The following UBE2G1 variants were observed in gnomAD, a reference collection of about 807,000 sequenced individuals.
UBE2G1 encodes the protein ubiquitin-conjugating enzyme E2 G1.
UBE2G1 carries 5 observed loss-of-function variants against 22.7 expected under a neutral mutation model. The ratio of observed to expected loss-of-function variants is 0.22; its 90% CI spans 0.12 to 0.46. The LOEUF is 0.46. UBE2G1 is among the 20% of genes least tolerant of loss of function. UBE2G1 has a pLI of 0.99. For missense variants in UBE2G1, 88 were observed against 203.9 expected, an observed-to-expected ratio of 0.43 and a Z score of 3.46; for synonymous variants, 74 against 67.5, an observed-to-expected ratio of 1.10 and a Z score of -0.47.
intron 1 of UBE2G1, among the ~76,000 whole-genome samples, chr17:4,341,050 CAAAAAAAAAA>C (rs71383550): frequency 1.2e-5 from 1 of 85,962 alleles, no homozygotes; most frequent in East Asian, 4.3e-4. Context: ...AGTGTCTTTA[CAAAAAAAAAA>C]AAAAAAAAAG....
chr17:4,288,407 T>C (rs967282327), intron 4 of UBE2G1, among the ~76,000 whole-genome samples: 2 of 152,134 alleles, frequency 1.3e-5, no homozygotes, highest in African/African-American at 4.8e-5. Context: ...TTCGTATTTT[T>C]AATGGAGACG....
Position 4,358,456 on chromosome 17 carries a change from CT to C in UBE2G1, c.46+7814del, listed in dbSNP as rs766693439. The stretch of plus-strand genomic sequence containing the variant: ...AATTTTGCCCATTTTTTTGAATTGA[CT>C]TTTTTTTTTTAAACTGTTGAGGGTT... On this transcript the variant is annotated intron_variant, in intron 1 of 5. Coordinates refer to ENST00000396981, the MANE Select transcript of UBE2G1 (RefSeq NM_003342.5). Among the ~76,000 whole-genome samples the C allele has an allele frequency of 6.5e-3, 964 of 147,282 alleles. 10 individuals carry two copies. Among genetic ancestry groups the C allele is most frequent in the East Asian group, 0.027 (137 of 5,082 alleles).
chr17:4,345,561 T>C (rs1454765305), intron 1 of UBE2G1: 2 of 152,180 alleles, frequency 1.3e-5, no homozygotes, highest in Admixed American at 6.6e-5. Context: ...TCGGTAACAC[T>C]ATAAAAACAA....
intron 2 of UBE2G1, among the ~76,000 whole-genome samples, chr17:4,304,607 G>A (rs1054893719): frequency 7.9e-5 from 12 of 152,116 alleles, no homozygotes; most frequent in South Asian, 2.1e-4. Flanking sequence ...AGAGTGGAGC[G>A]CCCTCTAGTG....
intron 2 of UBE2G1, 38 bp downstream of exon 2, chr17:4,306,983 G>A (rs1969255800): frequency 4.5e-6 from 7 of 1,571,000 alleles, no homozygotes; most frequent in Non-Finnish European, 6.1e-6. Context: ...TGTATTAAAA[G>A]AGCTCCATTT....
rs959984511 is a variant in UBE2G1 at position 4,346,755 on chromosome 17, A to C, written c.46+19516T>G. ...AGCTCCAGCTTACATTTTCAATAGAAGTCAAGAAAGGAAGACAGAGGAAAC... is the reference window on the plus strand; with the variant it reads ...AGCTCCAGCTTACATTTTCAATAGACGTCAAGAAAGGAAGACAGAGGAAAC... On this transcript the variant is annotated intron_variant, in intron 1 of 5. Coordinates refer to ENST00000396981, the MANE Select transcript of UBE2G1 (RefSeq NM_003342.5). 3.3e-5 allele frequency among the ~76,000 whole-genome samples: 5 copies of C among 151,982 alleles called. No homozygotes were observed. In the South Asian group the frequency reaches 1.0e-3, roughly 32 times the overall value.
chr17:4,360,061 T>G (rs1969950266), intron 1 of UBE2G1, among the ~76,000 whole-genome samples: 1 of 152,192 alleles, frequency 6.6e-6, no homozygotes. Context: ...TTGCTTTTTC[T>G]GATTTGTACT....
At chr17:4,332,658 T>C (rs1222041540) in intron 1 of UBE2G1, among the ~76,000 whole-genome samples, 2 of 151,786 alleles carry the variant, frequency 1.3e-5, no homozygotes, top group African/African-American at 4.8e-5. Flanking sequence ...TTCAGCTAAG[T>C]GCTGTGCCAC....
chr17:4,350,640 T>C (rs966472407), intron 1 of UBE2G1, among the ~76,000 whole-genome samples: 1 of 152,188 alleles, frequency 6.6e-6, no homozygotes, highest in African/African-American at 2.4e-5. Context: ...TTATAATTTA[T>C]CTATTTAAAT....
chr17:4,340,079 A>G (rs1480803792), intron 1 of UBE2G1, among the ~76,000 whole-genome samples: 1 of 152,056 alleles, frequency 6.6e-6, no homozygotes, highest in Non-Finnish European at 1.5e-5. Context: ...ACACAGGTGC[A>G]TATGGCTTTT....
At chr17:4,284,156 C>T in intron 4 of UBE2G1, among the ~76,000 whole-genome samples, 1 of 83,486 alleles carries the variant, frequency 1.2e-5, no homozygotes, top group Admixed American at 1.4e-4. Context: ...GACTCCGTCT[C>T]TCAAAAAAAA....
At chr17:4,339,798 G>C (rs910947093) in intron 1 of UBE2G1, among the ~76,000 whole-genome samples, 2 of 151,584 alleles carry the variant, frequency 1.3e-5, no homozygotes, top group Non-Finnish European at 2.9e-5. Flanking sequence ...GCGGTGAGCC[G>C]AGATCATGCC....
rs571925086 is a variant in UBE2G1, at chr17:4,269,510, C to T, written c.*3044G>A. On this transcript the variant is annotated 3_prime_UTR_variant, in exon 6 of 6. Coordinates refer to ENST00000396981, the MANE Select transcript of UBE2G1 (RefSeq NM_003342.5). ...GATACACAGGCACCACAGCCCAAAGCGGGCAGATTCGTCGAGGGTGAGTGG... is the reference window on the plus strand; with the variant it reads ...GATACACAGGCACCACAGCCCAAAGTGGGCAGATTCGTCGAGGGTGAGTGG... 3.8e-5 allele frequency: 7 copies of T among 186,062 alleles called. No homozygotes were observed. The highest frequency in any genetic ancestry group is 1.2e-4 in the African/African-American group (5 of 41,664). 11.5% of individuals were successfully genotyped at this position (186,062 alleles called of 1,614,324 possible). A position where few individuals can be genotyped will look rare whatever the true frequency, so the allele number is the denominator to read the frequency against.
intron 1 of UBE2G1, among the ~76,000 whole-genome samples, chr17:4,343,255 T>C (rs572919669): frequency 1.3e-5 from 2 of 152,308 alleles, no homozygotes; most frequent in East Asian, 1.9e-4. Context: ...TAAGGTAATT[T>C]TTACATGATC....
In UBE2G1 at chr17:4,270,431, C is replaced by T. The variant is rs1968741870; in HGVS notation, c.*2123G>A. ...AGGCATGGTGGCATACACCTGTAGT[C>T]CTAGCTACTCAGGAGGCTGAGGCAG... On this transcript the variant is annotated 3_prime_UTR_variant, in exon 6 of 6. Transcript: ENST00000396981. 1 of 152,062 alleles carries T rather than the reference C, an allele frequency of 6.6e-6. No individual in the cohort carries two copies. The highest frequency in any genetic ancestry group is 2.1e-4 in the South Asian group (1 of 4,816). The allele number at this position is 152,062 out of a possible 1,614,324, so 9.4% of individuals were successfully genotyped here.
intron 1 of UBE2G1, among the ~76,000 whole-genome samples, chr17:4,352,545 A>G (rs1969856544): frequency 6.6e-6 from 1 of 152,236 alleles, no homozygotes; most frequent in Non-Finnish European, 1.5e-5. Flanking sequence ...AGAGGACCAG[A>G]CAGGAACTTC....
At chr17:4,341,699 C>G (rs745339303) in intron 1 of UBE2G1, among the ~76,000 whole-genome samples, 2 of 152,230 alleles carry the variant, frequency 1.3e-5, no homozygotes, top group African/African-American at 2.4e-5. Context: ...CTTATCTCCA[C>G]TTGCTGCTCT....
intron 5 of UBE2G1, among the ~76,000 whole-genome samples, chr17:4,278,146 C>T (rs1003707104): frequency 1.3e-5 from 2 of 152,252 alleles, no homozygotes; most frequent in Non-Finnish European, 1.5e-5. Context: ...GTGATCCACC[C>T]ATCTTGGCCT....
In UBE2G1 at chr17:4,356,660, G is replaced by A. The variant is rs141248944; in HGVS notation, c.46+9611C>T. On this transcript the variant is annotated intron_variant, in intron 1 of 5. Transcript: ENST00000396981. The stretch of plus-strand genomic sequence containing the variant: ...AGCCAAGAGGATTGCTTGAGTCCAG[G>A]AGTTCAAGACCAGCCTGAGCAACAC... Among the ~76,000 whole-genome samples, 1,240 of 152,256 alleles carry A rather than the reference G, an allele frequency of 8.1e-3. 11 individuals are homozygous for A. The highest frequency in any genetic ancestry group is 0.014 in the Non-Finnish European group (941 of 68,022).
Sources: gnomAD v4.1 joint callset for allele counts (sites outside exome capture counted in the v4.1 genomes callset) on GRCh38, gnomAD v4.1.1 for gene constraint, MANE v1.5 for transcripts, NCBI Gene and HGNC (gene_info 2026-07-23, HGNC 2026-07-21) for gene names.